The following WWOX variants were observed in gnomAD, a reference collection of about 807,000 sequenced individuals.
WWOX encodes the protein WW domain-containing oxidoreductase.
WWOX carries 69 observed loss-of-function variants against 46.2 expected under a neutral mutation model. That is an observed-to-expected ratio of 1.49 (90% confidence interval 1.23 to 1.82). The LOEUF is 1.82. Ranked by LOEUF, WWOX falls within the 40% of genes most tolerant of loss-of-function variation. WWOX has a pLI of 0.00. For missense variants in WWOX, 919 were observed against 542.6 expected (o/e 1.69, Z -6.89); for synonymous variants, 359 against 202.6 (o/e 1.77, Z -6.56).
At chr16:78,582,355 T>G (rs2045079931) in intron 8 of WWOX, among the ~76,000 whole-genome samples, 1 of 152,218 alleles carries the variant, frequency 6.6e-6, no homozygotes, top group African/African-American at 2.4e-5. Context: ...TGTATTAATT[T>G]AGACAAGAAT....
intron 8 of WWOX, among the ~76,000 whole-genome samples, chr16:78,796,239 A>C (rs143188465): frequency 2.0e-5 from 3 of 152,238 alleles, no homozygotes; most frequent in Non-Finnish European, 4.4e-5. Flanking sequence ...ACATTCAGCA[A>C]CTGGCCTCCC....
intron 8 of WWOX, among the ~76,000 whole-genome samples, chr16:78,495,261 C>G (rs1008542930): frequency 4.0e-5 from 6 of 149,868 alleles, no homozygotes; most frequent in African/African-American, 1.5e-4. Context: ...CTGCCTCAGC[C>G]TTCTGAGTAG....
At chr16:78,980,608 A>T (rs1298530963) in intron 8 of WWOX, among the ~76,000 whole-genome samples, 1 of 152,062 alleles carries the variant, frequency 6.6e-6, no homozygotes, top group Non-Finnish European at 1.5e-5. Flanking sequence ...AGGTATCCTG[A>T]TGGTAAGAAT....
chr16:78,835,430 C>T (rs2051951885), intron 8 of WWOX, among the ~76,000 whole-genome samples: 1 of 152,144 alleles, frequency 6.6e-6, no homozygotes, highest in African/African-American at 2.4e-5. Context: ...GGAAATATTC[C>T]TTCAATGTTA....
At chr16:78,894,225 T>C (rs1194797524) in intron 8 of WWOX, among the ~76,000 whole-genome samples, 1 of 151,974 alleles carries the variant, frequency 6.6e-6, no homozygotes, top group Non-Finnish European at 1.5e-5. Context: ...TTTATTTCCA[T>C]AGTTAGCCTT....
At chr16:78,308,112 T>A (rs1178703072) in intron 5 of WWOX, among the ~76,000 whole-genome samples, 2 of 152,124 alleles carry the variant, frequency 1.3e-5, no homozygotes, top group Non-Finnish European at 2.9e-5. Flanking sequence ...CATTTTTCTC[T>A]CATGGTGAGA....
chr16:78,109,631 C>T (rs2032368663), intron 2 of WWOX, 147 bp from the exon 3 acceptor site: 3 of 755,828 alleles, frequency 4.0e-6, no homozygotes. Flanking sequence ...GCAGTTGGAA[C>T]ATGTGACGAA....
intron 8 of WWOX, among the ~76,000 whole-genome samples, chr16:78,478,764 G>C (rs762592024): frequency 6.6e-6 from 1 of 152,184 alleles, no homozygotes; most frequent in African/African-American, 2.4e-5. Flanking sequence ...CAGCAATCTA[G>C]CAGTTCAAAC....
intron 8 of WWOX, among the ~76,000 whole-genome samples, chr16:78,529,569 C>T (rs759227919): frequency 9.2e-5 from 14 of 151,816 alleles, no homozygotes; most frequent in African/African-American, 1.7e-4. Context: ...CGAGTTCAAG[C>T]GATTCTTCTG....
chr16:78,675,776 C>G (rs2047583110), intron 8 of WWOX, among the ~76,000 whole-genome samples: 2 of 152,120 alleles, frequency 1.3e-5, no homozygotes, highest in Admixed American at 1.3e-4. Context: ...GAGTTTGAGA[C>G]CAGCCTGGGC....
intron 8 of WWOX, among the ~76,000 whole-genome samples, chr16:78,979,962 A>G (rs2046648639): frequency 1.3e-5 from 2 of 152,110 alleles, no homozygotes. Context: ...CCCCATCTCT[A>G]CTAAAAATAC....
chr16:78,425,917 C>G (rs1034792587), intron 7 of WWOX, among the ~76,000 whole-genome samples: 1 of 149,440 alleles, frequency 6.7e-6, no homozygotes, highest in African/African-American at 2.6e-5. Context: ...TTTAGTGACC[C>G]AGAATGAAGC....
chr16:79,186,375 C>T (rs1456730440), intron 8 of WWOX, among the ~76,000 whole-genome samples: 7 of 152,188 alleles, frequency 4.6e-5, no homozygotes, highest in South Asian at 2.1e-4. Flanking sequence ...CTCTCGCTTC[C>T]GGTGGTTCAG....
intron 8 of WWOX, among the ~76,000 whole-genome samples, chr16:79,005,124 C>G (rs1482327277): frequency 1.3e-5 from 2 of 152,154 alleles, no homozygotes; most frequent in Admixed American, 6.5e-5. Flanking sequence ...AACTGAGTCT[C>G]CATGTGGCTT....
At chr16:78,984,022 C>T (rs895484372) in intron 8 of WWOX, among the ~76,000 whole-genome samples, 6 of 151,778 alleles carry the variant, frequency 4.0e-5, no homozygotes, top group Admixed American at 1.3e-4. Flanking sequence ...GGACTACAGG[C>T]GCCTGCCACC....
chr16:78,966,363 A>T (rs2046363200), intron 8 of WWOX, among the ~76,000 whole-genome samples: 1 of 152,186 alleles, frequency 6.6e-6, no homozygotes, highest in African/African-American at 2.4e-5. Flanking sequence ...CTATCCTGGC[A>T]TCTAAACATA....
At chr16:78,908,911 G>GCGGCCTC (rs2045037072) in intron 8 of WWOX, among the ~76,000 whole-genome samples, 1 of 152,206 alleles carries the variant, frequency 6.6e-6, no homozygotes, top group Non-Finnish European at 1.5e-5. Context: ...TCAGAATCTT[G>GCGGCCTC]CAGCCTCCGG....
chr16:78,424,811 T>C, intron 6 of WWOX, 59 bp from the exon 7 acceptor site: 5 of 1,596,176 alleles, frequency 3.1e-6, no homozygotes, highest in Non-Finnish European at 3.4e-6. Context: ...CGAAGGAGCA[T>C]GGATTATCCT....
chr16:78,445,667 G>C (rs753956662), intron 8 of WWOX, among the ~76,000 whole-genome samples: 24 of 152,210 alleles, frequency 1.6e-4, no homozygotes, highest in Non-Finnish European at 3.4e-4. Context: ...ACTTGAGGCC[G>C]GGAGTTTGAA....
Sources: gnomAD v4.1 joint callset for allele counts (sites outside exome capture counted in the v4.1 genomes callset) on GRCh38, gnomAD v4.1.1 for gene constraint, MANE v1.5 for transcripts, NCBI Gene and HGNC (gene_info 2026-07-23, HGNC 2026-07-21) for gene names.